The following RCOR1 variants were observed in gnomAD, a reference collection of about 807,000 sequenced individuals.
RCOR1 encodes the protein REST corepressor 1.
In RCOR1, 12 loss-of-function variants were observed where a neutral mutation model predicts 64.0. The ratio of observed to expected loss-of-function variants is 0.19; its 90% CI spans 0.12 to 0.30. The LOEUF (loss-of-function observed/expected upper bound fraction) is 0.30. Among genes scored for constraint, RCOR1 ranks in the 10% least tolerant of loss-of-function variants. The pLI, the probability that RCOR1 is intolerant of heterozygous loss-of-function variation, is 1.00. For missense variants in RCOR1, 502 were observed against 621.2 expected (o/e 0.81, Z 2.04); for synonymous variants, 279 against 227.2 (o/e 1.23, Z -2.05).
intron 4 of RCOR1, among the ~76,000 whole-genome samples, chr14:102,704,299 C>T (rs1327899287): frequency 2.0e-5 from 3 of 152,238 alleles, no homozygotes; most frequent in Non-Finnish European, 4.4e-5. Flanking sequence ...GAAAAAACAA[C>T]GATTTCCTCC....
chr14:102,642,697 A>G (rs1213936223), intron 2 of RCOR1, among the ~76,000 whole-genome samples: 1 of 152,094 alleles, frequency 6.6e-6, no homozygotes, highest in African/African-American at 2.4e-5. Flanking sequence ...TAAGCCGGGT[A>G]TGGTGGCACA....
At chr14:102,706,642 A>G (rs1595239620) in intron 4 of RCOR1, among the ~76,000 whole-genome samples, 1 of 152,082 alleles carries the variant, frequency 6.6e-6, no homozygotes, top group African/African-American at 2.4e-5. Context: ...CCTGGGCAAC[A>G]TGGCAAAACC....
chr14:102,686,990 A>C (rs1241460976), intron 3 of RCOR1, among the ~76,000 whole-genome samples: 1 of 152,198 alleles, frequency 6.6e-6, no homozygotes, highest in East Asian at 1.9e-4. Context: ...CATTCTTTTC[A>C]GTGTACCTGG....
At chr14:102,721,215 T>C in intron 9 of RCOR1, 105 bp from the exon 10 acceptor site, 1 of 1,157,738 alleles carries the variant, frequency 8.6e-7, no homozygotes, top group South Asian at 1.3e-5. Context: ...ATGAACCCAG[T>C]TGATGTTAAA....
chr14:102,701,347 C>T lies in RCOR1; in HGVS notation c.498+17C>T, dbSNP rs745813559. 1 of 1,550,158 alleles carries T rather than the reference C, an allele frequency of 6.5e-7. No individual in the cohort carries two copies. Among genetic ancestry groups the T allele is most frequent in the Admixed American group, 2.1e-5 (1 of 47,010 alleles). On this transcript the variant is annotated intron_variant, in intron 4 of 11. Coordinates refer to ENST00000262241, the MANE Select transcript of RCOR1 (RefSeq NM_015156.4). ...ATGGAACAGGTAATATCATGGTTTT[C>T]TTTCTTTTGCTGTTAAAAAATGAGT...
intron 2 of RCOR1, among the ~76,000 whole-genome samples, chr14:102,620,180 A>G (rs559485054): frequency 3.9e-4 from 59 of 151,850 alleles, no homozygotes; most frequent in Non-Finnish European, 6.3e-4. Flanking sequence ...GCTTAAGGCC[A>G]GGAGTTTGAG....
rs187719893 is a variant in RCOR1, at chr14:102,641,311, T to C, written c.362-40584T>C. On this transcript the variant is annotated intron_variant, in intron 2 of 11. Coordinates refer to ENST00000262241, the MANE Select transcript of RCOR1 (RefSeq NM_015156.4). ...AGCAGTTATTCAATAATAAATAATA[T>C]TTATGCAGCTGGGCACAGTGGTTCA... Among the ~76,000 whole-genome samples the C allele has an allele frequency of 1.1e-4, 16 of 151,128 alleles. 1 individual carries two copies. In the East Asian group the frequency reaches 2.9e-3, roughly 28 times the overall value.
At chr14:102,601,286 T>G (rs1372313781) in intron 2 of RCOR1, among the ~76,000 whole-genome samples, 1 of 152,194 alleles carries the variant, frequency 6.6e-6, no homozygotes, top group African/African-American at 2.4e-5. Flanking sequence ...GTGCTGGGAT[T>G]ACAGGCTTGA....
chr14:102,610,631 C>T (rs1893610844), intron 2 of RCOR1, among the ~76,000 whole-genome samples: 3 of 152,088 alleles, frequency 2.0e-5, no homozygotes. Flanking sequence ...GGCGCCATCT[C>T]AGCTTACTGC....
At chr14:102,655,381 C>T in intron 2 of RCOR1, 1 of 985,208 alleles carries the variant, frequency 1.0e-6, no homozygotes. Context: ...GGCATTTTTC[C>T]CTTTGTGAAG....
chr14:102,607,232 T>C (rs1893530159), intron 2 of RCOR1, among the ~76,000 whole-genome samples: 1 of 152,160 alleles, frequency 6.6e-6, no homozygotes, highest in Non-Finnish European at 1.5e-5. Context: ...CGCGCCCGGC[T>C]GAGTAGGCAT....
At chr14:102,634,678 A>C (rs904980668) in intron 2 of RCOR1, among the ~76,000 whole-genome samples, 1 of 150,774 alleles carries the variant, frequency 6.6e-6, no homozygotes, top group Non-Finnish European at 1.5e-5. Context: ...ACACACGTAC[A>C]TACATATATA....
At position 102,711,096 on chromosome 14, in the gene RCOR1, C is replaced by G. The variant is rs532128847; in HGVS notation, c.858+83C>G. 6.8e-6 allele frequency: 6 copies of G among 881,340 alleles called. 1 individual carries two copies. The highest frequency in any genetic ancestry group is 6.3e-5 in the South Asian group (4 of 63,736). The allele number at this position is 881,340 out of a possible 1,614,324, so 54.6% of individuals were successfully genotyped here. The stretch of plus-strand genomic sequence containing the variant: ...TAAAACATTCATGTTGCTTGTTCTA[C>G]TTAATATATTAAGTGCTATGTGGAA... On this transcript the variant is annotated intron_variant, in intron 7 of 11. Transcript: ENST00000262241.
chr14:102,658,454 C>A, intron 2 of RCOR1: 1 of 912,074 alleles, frequency 1.1e-6, no homozygotes, highest in Non-Finnish European at 1.3e-6. Flanking sequence ...CACCATTGCA[C>A]TCCAGGCTGG....
At chr14:102,609,633 A>C (rs1038011080) in intron 2 of RCOR1, among the ~76,000 whole-genome samples, 3 of 150,080 alleles carry the variant, frequency 2.0e-5, no homozygotes, top group Non-Finnish European at 4.4e-5. Flanking sequence ...TTTAGTAGAG[A>C]CAGGGTTTCA....
At chr14:102,672,275 C>T (rs996514201) in intron 2 of RCOR1, among the ~76,000 whole-genome samples, 10 of 151,872 alleles carry the variant, frequency 6.6e-5, no homozygotes, top group South Asian at 2.1e-4. Flanking sequence ...TGCAGTGGTG[C>T]GATCTCGGCT....
chr14:102,722,252 C>A lies in RCOR1; in HGVS notation c.1255C>A (p.Gln419Lys), dbSNP rs1256870498. The A allele has an allele frequency of 6.2e-7, 1 of 1,614,040 alleles. No homozygotes were observed. Among genetic ancestry groups the A allele is most frequent in the East Asian group, 2.2e-5 (1 of 44,902 alleles). The change falls in exon 11 of 12, where the codon CAA (glutamine) becomes AAA (lysine). Residue 419 changes from glutamine to lysine, a missense_variant. This residue lies in a region of RCOR1 where 260 missense variants were observed against 416.4 expected (regional missense o/e 0.62). Transcript: ENST00000262241. Reference protein sequence around the residue: ...SDVIGNKSVVQVKNFFVNYRR... With the variant: ...SDVIGNKSVVKVKNFFVNYRR... ...CGTGATTGGGAACAAATCAGTGGTA[C>A]AAGTGAAAAACTTTTTTGTAAATTA...
intron 2 of RCOR1, among the ~76,000 whole-genome samples, chr14:102,605,583 C>T (rs1893489814): frequency 6.6e-6 from 1 of 152,120 alleles, no homozygotes; most frequent in East Asian, 1.9e-4. Flanking sequence ...ACTGCACTGC[C>T]AGTCTTACAA....
intron 3 of RCOR1, among the ~76,000 whole-genome samples, chr14:102,694,205 T>C (rs564403859): frequency 6.6e-6 from 1 of 152,228 alleles, no homozygotes; most frequent in East Asian, 1.9e-4. Context: ...GGTTGGAGAC[T>C]GACTTATTCT....
Sources: gnomAD v4.1 joint callset for allele counts (sites outside exome capture counted in the v4.1 genomes callset) on GRCh38, gnomAD v4.1.1 for gene constraint, gnomAD v4.1.1 regional missense constraint, MANE v1.5 for transcripts, NCBI Gene and HGNC (gene_info 2026-07-23, HGNC 2026-07-21) for gene names.